The following PRKRIP1 variants were observed in gnomAD, a reference collection of about 807,000 sequenced individuals.
PRKRIP1 encodes PRKR interacting protein 1, also known as PRKR-interacting protein 1.
PRKRIP1 carries 29 observed loss-of-function variants against 29.3 expected under a neutral mutation model. The observed-to-expected ratio is 0.99, with a 90% CI of 0.74 to 1.35. The LOEUF (loss-of-function observed/expected upper bound fraction) is 1.35, where lower values mean the gene tolerates loss of function less well. PRKRIP1 is among the 40% of genes most tolerant of loss of function. The pLI is 0.00. For synonymous variants in PRKRIP1, 90 were observed against 85.1 expected, an observed-to-expected ratio of 1.06 and a Z score of -0.32; for missense variants, 247 against 236.8, an observed-to-expected ratio of 1.04 and a Z score of -0.28.
intron 3 of PRKRIP1, among the ~76,000 whole-genome samples, chr7:102,401,896 CCTT>C (rs1271609551): frequency 1.3e-5 from 2 of 152,066 alleles, no homozygotes; most frequent in African/African-American, 2.4e-5. Context: ...GAGTGAGACT[CCTT>C]CTGAAAAAAG....
intron 5 of PRKRIP1, among the ~76,000 whole-genome samples, chr7:102,408,095 G>A (rs1554572078): frequency 6.6e-6 from 1 of 152,106 alleles, no homozygotes; most frequent in African/African-American, 2.4e-5. Flanking sequence ...GTGTAGGCTG[G>A]CTCCCCCGCA....
chr7:102,405,881 C>T (rs10243209), intron 4 of PRKRIP1: 20,578 of 303,776 alleles, frequency 0.068, 825 homozygotes, highest in African/African-American at 0.092. Flanking sequence ...ATTTCTATAA[C>T]GTAAAAATCC....
At chr7:102,419,845 T>TTGTGTGTG (rs56752508) in intron 5 of PRKRIP1, among the ~76,000 whole-genome samples, 86 of 142,810 alleles carry the variant, frequency 6.0e-4, no homozygotes, top group African/African-American at 2.1e-3. Context: ...TTTTGTGTTT[T>TTGTGTGTG]TGTGTGTGTG....
Position 102,426,343 on chromosome 7 carries a change from A to G in PRKRIP1, c.*1232A>G, listed in dbSNP as rs1796831245. 1 of 152,650 alleles carries G rather than the reference A, an allele frequency of 6.6e-6. No individual in the cohort carries two copies. Among genetic ancestry groups the G allele is most frequent in the South Asian group, 2.1e-4 (1 of 4,844 alleles). 9.5% of individuals were successfully genotyped at this position (152,650 alleles called of 1,614,324 possible). ...CTTTTACCTCGGGGTTTTGAGGCCA[A>G]CAGGGACGACAGAGACAGTTTCTAG... is the stretch of plus-strand genomic sequence containing the variant. On this transcript the variant is annotated 3_prime_UTR_variant, in exon 6 of 6. Transcript: ENST00000397912.
Position 102,399,628 on chromosome 7 carries a change from A to C in PRKRIP1, c.286A>C (p.Met96Leu), listed in dbSNP as rs782742816. Reference sequence around the variant, plus strand: ...GAGAGAATATCAGCGACAGGACTACATGGATGCCATGGCTGAGAAGGTCAG... The same window carrying C: ...GAGAGAATATCAGCGACAGGACTACCTGGATGCCATGGCTGAGAAGGTCAG... ...RRREYQRQDYMDAMAEKQKLD... is the reference protein window; with the variant it reads ...RRREYQRQDYLDAMAEKQKLD... The change falls in exon 3 of 6, where the codon ATG (methionine) becomes CTG (leucine). Residue 96 changes from methionine to leucine, a missense_variant. Physicochemically the swap from Met to Leu is conservative, Grantham distance 15 (BLOSUM62 2). Coordinates refer to ENST00000397912, the MANE Select transcript of PRKRIP1 (RefSeq NM_024653.4). 6.2e-7 allele frequency: 1 copy of C among 1,613,696 alleles called. No individual in the cohort carries two copies. Among genetic ancestry groups the C allele is most frequent in the African/African-American group, 1.3e-5 (1 of 74,924 alleles).
rs34218257 is a variant in PRKRIP1 at position 102,397,706 on chromosome 7, C to CTGTG, written c.205+36_205+39dup. The CTGTG allele has an allele frequency of 2.4e-4, 325 of 1,330,952 alleles. No individual in the cohort carries two copies. In the African/African-American group the frequency reaches 3.7e-3, roughly 15 times the overall value. 82.4% of individuals were successfully genotyped at this position (1,330,952 alleles called of 1,614,324 possible). ...TTGTCCGAGATGTCATGGGTAATGG[C>CTGTG]TGTGTGTGTGTGTGTGTGTGTGTGT... is the stretch of plus-strand genomic sequence containing the variant. On this transcript the variant is annotated intron_variant, in intron 2 of 5. Transcript: ENST00000397912.
chr7:102,409,651 C>T (rs1391383512), intron 5 of PRKRIP1, among the ~76,000 whole-genome samples: 2 of 151,854 alleles, frequency 1.3e-5, no homozygotes, highest in African/African-American at 4.8e-5. Flanking sequence ...AGTGAGACCC[C>T]ATCTCTACAA....
chr7:102,408,254 C>G (rs1222643872), intron 5 of PRKRIP1, among the ~76,000 whole-genome samples: 2 of 151,906 alleles, frequency 1.3e-5, no homozygotes, highest in Non-Finnish European at 1.5e-5. Flanking sequence ...TCCAGAAGTG[C>G]CCAGAAGACA....
chr7:102,422,335 G>C (rs527990468), intron 5 of PRKRIP1, among the ~76,000 whole-genome samples: 1 of 149,294 alleles, frequency 6.7e-6, no homozygotes, highest in South Asian at 2.1e-4. Flanking sequence ...CACCATGCCT[G>C]GCTAATTTTT....
intron 4 of PRKRIP1, among the ~76,000 whole-genome samples, chr7:102,406,419 G>A (rs372150310): frequency 8.3e-4 from 126 of 152,252 alleles, no homozygotes; most frequent in African/African-American, 2.7e-3. Flanking sequence ...TTGTTGTTGC[G>A]TAGAGTAAGA....
chr7:102,397,786 C>T, intron 2 of PRKRIP1, 88 bp downstream of exon 2: 5 of 1,281,462 alleles, frequency 3.9e-6, no homozygotes, highest in Non-Finnish European at 1.1e-6. Context: ...TGGCTCATGC[C>T]TCTAATCCCA....
intron 3 of PRKRIP1, among the ~76,000 whole-genome samples, chr7:102,400,592 A>C (rs1796039912): frequency 6.6e-6 from 1 of 152,078 alleles, no homozygotes; most frequent in African/African-American, 2.4e-5. Context: ...GGGGTGATCA[A>C]ACTGTACACT....
intron 3 of PRKRIP1, among the ~76,000 whole-genome samples, chr7:102,402,778 G>A (rs1796107250): frequency 6.6e-6 from 1 of 152,116 alleles, no homozygotes; most frequent in Non-Finnish European, 1.5e-5. Context: ...ACCCCTGCTT[G>A]AGACATTGCC....
chr7:102,407,867 C>G (rs782381795), intron 5 of PRKRIP1, among the ~76,000 whole-genome samples: 1 of 152,136 alleles, frequency 6.6e-6, no homozygotes, highest in Non-Finnish European at 1.5e-5. Flanking sequence ...CCTCCTCGAT[C>G]TTGTCCAGGA....
chr7:102,403,899 A>G lies in PRKRIP1; in HGVS notation c.307-699A>G, dbSNP rs114902206. Among the ~76,000 whole-genome samples the G allele has an allele frequency of 3.7e-3, 571 of 152,302 alleles. 6 individuals are homozygous for G. Among genetic ancestry groups the G allele is most frequent in the African/African-American group, 0.013 (554 of 41,562 alleles). On this transcript the variant is annotated intron_variant, in intron 3 of 5. Transcript: ENST00000397912. The stretch of plus-strand genomic sequence containing the variant: ...AATCAGTCATTTGGTGGCTGGGCAC[A>G]GTGGCCTGTAATCTCAGCACTTTGG...
At chr7:102,410,239 T>C (rs1202745851) in intron 5 of PRKRIP1, among the ~76,000 whole-genome samples, 1 of 152,218 alleles carries the variant, frequency 6.6e-6, no homozygotes, top group Non-Finnish European at 1.5e-5. Flanking sequence ...TGCACTGCTC[T>C]GGTGGCCCTC....
intron 3 of PRKRIP1, 125 bp from the exon 4 acceptor site, chr7:102,404,473 A>G: frequency 1.4e-6 from 1 of 724,174 alleles, no homozygotes; most frequent in Non-Finnish European, 2.4e-6. Context: ...GGCCCTGGGG[A>G]CCCGGGTAGT....
intron 1 of PRKRIP1, 115 bp downstream of exon 1, chr7:102,396,652 C>A (rs374924524): frequency 1.7e-6 from 2 of 1,162,640 alleles, no homozygotes; most frequent in East Asian, 2.8e-5. Flanking sequence ...ACTCAGTATC[C>A]GACCCTCCAA....
At chr7:102,415,052 C>T (rs1479426563) in intron 5 of PRKRIP1, among the ~76,000 whole-genome samples, 1 of 152,178 alleles carries the variant, frequency 6.6e-6, no homozygotes, top group Non-Finnish European at 1.5e-5. Context: ...GGTACACTCT[C>T]ACCATATCCT....
Sources: allele counts gnomAD v4.1 joint callset (sites outside exome capture counted in the v4.1 genomes callset), GRCh38; gene constraint gnomAD v4.1.1; transcripts MANE v1.5; gene names NCBI Gene and HGNC (gene_info 2026-07-23, HGNC 2026-07-21).